TMEM255A: variants seen among roughly 807,000 people sequenced by gnomAD.
The protein encoded by TMEM255A is transmembrane protein 255A.
Under a neutral mutation model 23.5 loss-of-function variants are expected in TMEM255A, and 14 were observed. The observed-to-expected ratio is 0.60, with a 90% confidence interval of 0.39 to 0.93. The LOEUF (loss-of-function observed/expected upper bound fraction) is 0.93, where lower values mean the gene tolerates loss of function less well. TMEM255A is among the 40% of genes least tolerant of loss of function. The pLI, the probability that TMEM255A is intolerant of heterozygous loss-of-function variation, is 0.00. For missense variants in TMEM255A, 233 were observed against 261.7 expected (o/e 0.89, Z 0.76); for synonymous variants, 104 against 100.3 (o/e 1.04, Z -0.22).
intron 2 of TMEM255A, among the ~76,000 whole-genome samples, chrX:120,300,522 G>A (rs180971244): frequency 1.7e-3 from 183 of 106,423 alleles, no homozygotes; most frequent in Admixed American, 3.9e-3. Flanking sequence ...CACGTAACTG[G>A]GACTACAGGC....
At chrX:120,307,355 T>C (rs1200491638) in intron 1 of TMEM255A, among the ~76,000 whole-genome samples, 3 of 112,021 alleles carry the variant, frequency 2.7e-5, no homozygotes, top group Non-Finnish European at 3.8e-5. Flanking sequence ...CGTGTTCTTA[T>C]TCTGGTACAA....
chrX:120,285,669 G>A lies in TMEM255A; in HGVS notation c.424-454C>T, dbSNP rs142921579. 6.0e-4 allele frequency: 728 copies of A among 1,209,261 alleles called. 5 individuals carry two copies. In the African/African-American group the frequency reaches 0.012, roughly 20 times the overall value. ...AGGTTCCTCATAACCCTCGTGGAAG[G>A]AGAATTTTTGGTTGAGGAACTTATG... On this transcript the variant is annotated intron_variant, in intron 5 of 8. Coordinates refer to ENST00000371369, the MANE Select transcript of TMEM255A (RefSeq NM_001104544.3).
At chrX:120,295,773 C>T (rs782072650) in intron 2 of TMEM255A, among the ~76,000 whole-genome samples, 5 of 111,997 alleles carry the variant, frequency 4.5e-5, no homozygotes, top group African/African-American at 1.6e-4. Context: ...TAGTGACTAC[C>T]TTATAGGGCT....
At chrX:120,293,952 G>A in intron 3 of TMEM255A, 37 bp downstream of exon 3, 1 of 1,032,068 alleles carries the variant, frequency 9.7e-7, no homozygotes, top group Non-Finnish European at 1.3e-6. Flanking sequence ...TGCTTTTTTA[G>A]AGGAAGAACT....
At chrX:120,307,312 T>C (rs782717071) in intron 1 of TMEM255A, among the ~76,000 whole-genome samples, 18 of 111,844 alleles carry the variant, frequency 1.6e-4, no homozygotes, top group Middle Eastern at 4.2e-3. Flanking sequence ...ATTTTCCTGG[T>C]GGTTGTTTTA....
chrX:120,258,326 A>G (rs1274932105), downstream of TMEM255A: 10 of 123,510 alleles, frequency 8.1e-5, no homozygotes, highest in Admixed American at 6.6e-4. Flanking sequence ...TTTAAGTTCT[A>G]CTTTTCATTA....
Position 120,285,502 on chromosome X carries a change from G to A in TMEM255A, c.424-287C>T. ...AGGACAGATGGAAGGACAGACGGAA[G>A]AACAAATGGACTGAAGGAAATGAGA... On this transcript the variant is annotated intron_variant, in intron 5 of 8. Transcript: ENST00000371369. 1.4e-5 allele frequency: 13 copies of A among 948,094 alleles called. No individual in the cohort carries two copies. In the South Asian group the frequency reaches 2.3e-4, roughly 17 times the overall value. The allele number at this position is 948,094 out of a possible 1,213,427, so 78.1% of individuals were successfully genotyped here. A position where few individuals can be genotyped will look rare whatever the true frequency, so the allele number is the denominator to read the frequency against.
At chrX:120,283,084 G>A (rs1182803189) in intron 6 of TMEM255A, among the ~76,000 whole-genome samples, 1 of 110,463 alleles carries the variant, frequency 9.1e-6, no homozygotes, top group Non-Finnish European at 1.9e-5. Flanking sequence ...GGAAGGATGA[G>A]GGGAGGCAAG....
At chrX:120,292,672 G>T (rs1209677426) in intron 3 of TMEM255A, among the ~76,000 whole-genome samples, 6 of 109,296 alleles carry the variant, frequency 5.5e-5, no homozygotes, top group African/African-American at 2.0e-4. Flanking sequence ...AGGCAGGAGA[G>T]TGGCTTGAAC....
intron 2 of TMEM255A, among the ~76,000 whole-genome samples, chrX:120,300,939 C>T (rs1210395664): frequency 9.1e-6 from 1 of 110,135 alleles, no homozygotes; most frequent in African/African-American, 3.3e-5. Context: ...CCAGGCTGGA[C>T]TTGAACTCCT....
At chrX:120,309,021 G>A (rs1205080214) in intron 1 of TMEM255A, among the ~76,000 whole-genome samples, 6 of 112,602 alleles carry the variant, frequency 5.3e-5, no homozygotes, top group Non-Finnish European at 1.1e-4. Context: ...CCTACCCACT[G>A]TCCTCTTCCC....
chrX:120,272,859 A>T (rs909523099), intron 7 of TMEM255A, among the ~76,000 whole-genome samples: 67 of 107,425 alleles, frequency 6.2e-4, no homozygotes, highest in Non-Finnish European at 1.2e-3. Flanking sequence ...CTCCTGCCTC[A>T]GCCTCCCGAG....
intron 7 of TMEM255A, among the ~76,000 whole-genome samples, chrX:120,272,202 G>A (rs1267300551): frequency 1.8e-5 from 2 of 111,178 alleles, no homozygotes; most frequent in Non-Finnish European, 3.8e-5. Context: ...CTAGGGCCCT[G>A]AGCATTTGCT....
At chrX:120,269,067 G>A (rs1556018174) in intron 7 of TMEM255A, among the ~76,000 whole-genome samples, 1 of 110,260 alleles carries the variant, frequency 9.1e-6, no homozygotes. Context: ...TAGAGTAGAG[G>A]CAAAATCCTA....
At chrX:120,305,665 G>T (rs1392762099) in intron 1 of TMEM255A, among the ~76,000 whole-genome samples, 3 of 109,329 alleles carry the variant, frequency 2.7e-5, no homozygotes, top group East Asian at 5.8e-4. Context: ...TGCTCCATGG[G>T]GAGGGAGGGG....
intron 1 of TMEM255A, among the ~76,000 whole-genome samples, chrX:120,309,042 G>A (rs1275564022): frequency 8.9e-6 from 1 of 112,675 alleles, no homozygotes; most frequent in Non-Finnish European, 1.9e-5. Flanking sequence ...CCCACGCAAG[G>A]GAAGGTGGTG....
chrX:120,289,760 A>T (rs1030039941), intron 4 of TMEM255A, among the ~76,000 whole-genome samples: 12 of 112,461 alleles, frequency 1.1e-4, no homozygotes, highest in African/African-American at 3.6e-4. Flanking sequence ...ATAACCAAAA[A>T]GTGGAAACAA....
Position 120,311,331 on chromosome X carries a change from C to T in TMEM255A, c.-22G>A, listed in dbSNP as rs782391308. 5.2e-6 allele frequency: 6 copies of T among 1,161,892 alleles called. No homozygotes were observed. The East Asian group carries it at 1.6e-4, about 31-fold the overall frequency. On this transcript the variant is annotated 5_prime_UTR_variant, in exon 1 of 9. Transcript: ENST00000371369. ...GCATGGTGAAAACTGCCCGGTTGCCCCAGTCCCCGAAGCTGCTTCAAGCGC... is the reference window on the plus strand; with the variant it reads ...GCATGGTGAAAACTGCCCGGTTGCCTCAGTCCCCGAAGCTGCTTCAAGCGC...
At chrX:120,293,738 A>T (rs182439493) in intron 3 of TMEM255A, among the ~76,000 whole-genome samples, 1 of 112,237 alleles carries the variant, frequency 8.9e-6, no homozygotes, top group Non-Finnish European at 1.9e-5. Flanking sequence ...AAAGGGCAAG[A>T]TCCAGAATAT....
Sources: gnomAD v4.1 joint callset for allele counts (sites outside exome capture counted in the v4.1 genomes callset) on GRCh38, gnomAD v4.1.1 for gene constraint, MANE v1.5 for transcripts, NCBI Gene and HGNC (gene_info 2026-07-23, HGNC 2026-07-21) for gene names.